The following SIPA1L1 variants were observed in gnomAD, a reference collection of about 807,000 sequenced individuals.
SIPA1L1 encodes signal-induced proliferation-associated 1-like protein 1.
Under a neutral mutation model 162.7 loss-of-function variants are expected in SIPA1L1, and 26 were observed. That is an observed-to-expected ratio of 0.16 (90% CI 0.12 to 0.22). The LOEUF (loss-of-function observed/expected upper bound fraction) is 0.22, where lower values mean the gene tolerates loss of function less well. Ranked by LOEUF, SIPA1L1 falls within the 10% of genes least tolerant of loss-of-function variation. SIPA1L1 has a pLI of 1.00. For missense variants in SIPA1L1, 1,874 were observed against 2,241.0 expected, an observed-to-expected ratio of 0.84 and a Z score of 3.31; for synonymous variants, 829 against 837.4, an observed-to-expected ratio of 0.99 and a Z score of 0.17.
intron 7 of SIPA1L1, among the ~76,000 whole-genome samples, chr14:71,637,305 GTACAA>G (rs988479634): frequency 6.6e-6 from 1 of 152,012 alleles, no homozygotes; most frequent in African/African-American, 2.4e-5. Context: ...AAATAGGAGA[GTACAA>G]TACAATAAGA....
At chr14:71,560,095 A>G (rs1279125003) in intron 4 of SIPA1L1, among the ~76,000 whole-genome samples, 1 of 152,216 alleles carries the variant, frequency 6.6e-6, no homozygotes, top group East Asian at 1.9e-4. Context: ...TTCTACTTGC[A>G]AACTTCTGTT....
At chr14:71,365,509 T>C (rs2038202012) in intron 2 of SIPA1L1, among the ~76,000 whole-genome samples, 1 of 152,178 alleles carries the variant, frequency 6.6e-6, no homozygotes, top group Non-Finnish European at 1.5e-5. Context: ...CTTTTCTCAC[T>C]GCTCAGTAGT....
At chr14:71,698,846 T>C in intron 13 of SIPA1L1, 135 bp from the exon 14 acceptor site, 2 of 830,968 alleles carry the variant, frequency 2.4e-6, no homozygotes, top group Non-Finnish European at 3.6e-6. Flanking sequence ...TTTTGTAGGC[T>C]TCCAGCTGGC....
intron 12 of SIPA1L1, among the ~76,000 whole-genome samples, chr14:71,684,692 T>C (rs561164302): frequency 1.3e-5 from 2 of 151,980 alleles, no homozygotes; most frequent in East Asian, 3.9e-4. Context: ...AGTCACGATG[T>C]GCAGTGGCAA....
At chr14:71,507,582 C>T (rs2050778655) in intron 2 of SIPA1L1, among the ~76,000 whole-genome samples, 1 of 152,120 alleles carries the variant, frequency 6.6e-6, no homozygotes, top group African/African-American at 2.4e-5. Context: ...GTAATCTGTG[C>T]ACCATCAATT....
chr14:71,641,404 A>G (rs1383592080), intron 7 of SIPA1L1, among the ~76,000 whole-genome samples: 2 of 152,226 alleles, frequency 1.3e-5, no homozygotes, highest in Non-Finnish European at 2.9e-5. Flanking sequence ...AGACTGTTAA[A>G]CATTTGCTGG....
At chr14:71,707,163 CCTTCT>C (rs561321448) in intron 16 of SIPA1L1, among the ~76,000 whole-genome samples, 172 of 151,838 alleles carry the variant, frequency 1.1e-3, no homozygotes, top group African/African-American at 4.0e-3. Flanking sequence ...ACACACAGTT[CCTTCT>C]CTTCTCTTTT....
intron 2 of SIPA1L1, chr14:71,330,218 C>T (rs1186222631): frequency 1.6e-6 from 1 of 625,548 alleles, no homozygotes; most frequent in African/African-American, 1.8e-5. Flanking sequence ...GGTTAGCTGT[C>T]TCCCCATCCT....
At chr14:71,577,791 G>A (rs2033320355) in intron 4 of SIPA1L1, among the ~76,000 whole-genome samples, 1 of 146,846 alleles carries the variant, frequency 6.8e-6, no homozygotes, top group Admixed American at 6.9e-5. Context: ...GAGTGCAGTG[G>A]TCCGATGGCA....
intron 9 of SIPA1L1, among the ~76,000 whole-genome samples, chr14:71,658,799 C>T (rs976761644): frequency 3.3e-5 from 5 of 152,106 alleles, no homozygotes; most frequent in African/African-American, 1.2e-4. Context: ...GGTCAGTGCA[C>T]AGAATAGGAA....
At chr14:71,603,800 A>G (rs2037099830) in intron 5 of SIPA1L1, among the ~76,000 whole-genome samples, 1 of 151,354 alleles carries the variant, frequency 6.6e-6, no homozygotes, top group Non-Finnish European at 1.5e-5. Context: ...GTGTAATCCC[A>G]GCTACTCAGG....
chr14:71,633,308 A>G (rs982980594), intron 7 of SIPA1L1, among the ~76,000 whole-genome samples: 1 of 151,816 alleles, frequency 6.6e-6, no homozygotes, highest in Non-Finnish European at 1.5e-5. Context: ...TATTTTTAGT[A>G]TTTTTGTATT....
chr14:71,617,859 C>T (rs779758718), intron 5 of SIPA1L1, among the ~76,000 whole-genome samples: 1 of 152,028 alleles, frequency 6.6e-6, no homozygotes, highest in African/African-American at 2.4e-5. Flanking sequence ...ATTATCTGTT[C>T]CAGTTTTTCA....
At chr14:71,505,439 G>T (rs1051498481) in intron 2 of SIPA1L1, among the ~76,000 whole-genome samples, 2 of 133,010 alleles carry the variant, frequency 1.5e-5, no homozygotes, top group Admixed American at 7.6e-5. Context: ...TTTTTTTTTA[G>T]CACTGTCGCT....
At position 71,532,942 on chromosome 14, in the gene SIPA1L1, G is replaced by T. The variant is rs977551955; in HGVS notation, c.-303+3572G>T. 3.9e-5 allele frequency among the ~76,000 whole-genome samples: 6 copies of T among 152,264 alleles called. 1 individual carries two copies. The highest frequency in any genetic ancestry group is 6.5e-5 in the Admixed American group (1 of 15,298). On this transcript the variant is annotated intron_variant, in intron 4 of 23. Transcript: ENST00000381232. ...ACCTTTTAGACCTGTCTTGCCATCTGTAGCCTCTGCTTAACCTCTACAGGG... is the reference window on the plus strand; with the variant it reads ...ACCTTTTAGACCTGTCTTGCCATCTTTAGCCTCTGCTTAACCTCTACAGGG...
intron 13 of SIPA1L1, among the ~76,000 whole-genome samples, chr14:71,690,822 C>G (rs1044082405): frequency 2.0e-5 from 3 of 152,220 alleles, no homozygotes. Flanking sequence ...TGGGCAGTTC[C>G]TTAGCTGATC....
intron 2 of SIPA1L1, among the ~76,000 whole-genome samples, chr14:71,509,551 T>C (rs185040542): frequency 1.4e-3 from 210 of 152,194 alleles, no homozygotes; most frequent in Non-Finnish European, 2.5e-3. Flanking sequence ...TAGACCAGCC[T>C]GGCCAACATA....
intron 2 of SIPA1L1, among the ~76,000 whole-genome samples, chr14:71,388,714 T>C (rs2040528654): frequency 6.6e-6 from 1 of 152,226 alleles, no homozygotes; most frequent in Non-Finnish European, 1.5e-5. Context: ...TCTGAAAGTC[T>C]CTGAAAGTGG....
At chr14:71,624,941 A>G (rs2039821683) in intron 7 of SIPA1L1, among the ~76,000 whole-genome samples, 1 of 152,222 alleles carries the variant, frequency 6.6e-6, no homozygotes. Flanking sequence ...GGCCAATTTT[A>G]TAGATAATAT....
Sources: allele counts gnomAD v4.1 joint callset (sites outside exome capture counted in the v4.1 genomes callset), GRCh38; gene constraint gnomAD v4.1.1; transcripts MANE v1.5; gene names NCBI Gene and HGNC (gene_info 2026-07-23, HGNC 2026-07-21).